Variants in XKR4 observed in about 807,000 individuals in gnomAD.
XKR4 encodes the protein XK-related protein 4.
Under a neutral mutation model 53.9 loss-of-function variants are expected in XKR4, and 12 were observed. The observed-to-expected ratio is 0.22, with a 90% confidence interval of 0.14 to 0.36. The LOEUF is 0.36. Ranked by LOEUF, XKR4 falls within the 10% of genes least tolerant of loss-of-function variation. The pLI, the probability that XKR4 is intolerant of heterozygous loss-of-function variation, is 1.00. For missense variants in XKR4, 799 were observed against 859.5 expected (o/e 0.93, Z 0.88); for synonymous variants, 354 against 362.4 (o/e 0.98, Z 0.26).
rs554612902 is a variant in XKR4, at chr8:55,533,201, G to T, written c.*8974G>T. ...TTGCCATTGTGAGTCTAGAAAATGAGCACTTTGTGTGTTGAGCGCTGTTGC... is the reference window on the plus strand; with the variant it reads ...TTGCCATTGTGAGTCTAGAAAATGATCACTTTGTGTGTTGAGCGCTGTTGC... On this transcript the variant is annotated 3_prime_UTR_variant, in exon 3 of 3. Coordinates refer to ENST00000327381, the MANE Select transcript of XKR4 (RefSeq NM_052898.2). The T allele has an allele frequency of 6.6e-5, 10 of 152,294 alleles. No homozygotes were observed. The highest frequency in any genetic ancestry group is 2.4e-4 in the African/African-American group (10 of 41,556). The allele number at this position is 152,294 out of a possible 1,614,324, so 9.4% of individuals were successfully genotyped here. A position where few individuals can be genotyped will look rare whatever the true frequency, so the allele number is the denominator to read the frequency against.
intron 1 of XKR4, among the ~76,000 whole-genome samples, chr8:55,175,241 G>A (rs967447961): frequency 1.3e-5 from 2 of 152,124 alleles, no homozygotes; most frequent in African/African-American, 2.4e-5. Flanking sequence ...GGCTAAAGAG[G>A]TTTCAAAGAT....
intron 1 of XKR4, among the ~76,000 whole-genome samples, chr8:55,311,708 A>G (rs1229778945): frequency 6.6e-6 from 1 of 152,078 alleles, no homozygotes; most frequent in Non-Finnish European, 1.5e-5. Context: ...GGGACATATC[A>G]TCATTTTTAA....
At chr8:55,334,481 G>A (rs1490989085) in intron 1 of XKR4, among the ~76,000 whole-genome samples, 2 of 152,076 alleles carry the variant, frequency 1.3e-5, no homozygotes, top group Non-Finnish European at 2.9e-5. Context: ...CTGGTCTACT[G>A]TTTCATAAAT....
intron 1 of XKR4, among the ~76,000 whole-genome samples, chr8:55,168,328 G>A (rs578181062): frequency 6.6e-5 from 10 of 152,150 alleles, no homozygotes; most frequent in African/African-American, 1.7e-4. Flanking sequence ...GGACAGAATG[G>A]ATGTTTTAAG....
chr8:55,130,226 G>T (rs1401738481), intron 1 of XKR4, among the ~76,000 whole-genome samples: 1 of 131,132 alleles, frequency 7.6e-6, no homozygotes, highest in Non-Finnish European at 1.7e-5. Context: ...AATATGTCAG[G>T]TGTTATCTGC....
intron 1 of XKR4, among the ~76,000 whole-genome samples, chr8:55,274,055 A>C (rs1818730958): frequency 6.6e-6 from 1 of 152,266 alleles, no homozygotes; most frequent in African/African-American, 2.4e-5. Flanking sequence ...GTCTTCATGC[A>C]TAAGATCTTC....
chr8:55,535,412 T>C lies in XKR4; in HGVS notation c.*11185T>C, dbSNP rs1218949427. ...CCACAACACTCCCCGGTGTGTGATG[T>C]TCCCCTTCCTGTGCACGTGACTTAT... On this transcript the variant is annotated 3_prime_UTR_variant, in exon 3 of 3. Coordinates refer to ENST00000327381, the MANE Select transcript of XKR4 (RefSeq NM_052898.2). 7.7e-6 allele frequency: 1 copy of C among 129,824 alleles called. No individual in the cohort carries two copies. Among genetic ancestry groups the C allele is most frequent in the Non-Finnish European group, 1.6e-5 (1 of 62,678 alleles). The allele number at this position is 129,824 out of a possible 1,614,324, so 8.0% of individuals were successfully genotyped here. A position where few individuals can be genotyped will look rare whatever the true frequency, so the allele number is the denominator to read the frequency against.
At chr8:55,291,976 G>A (rs1425657313) in intron 1 of XKR4, among the ~76,000 whole-genome samples, 1 of 151,984 alleles carries the variant, frequency 6.6e-6, no homozygotes, top group Non-Finnish European at 1.5e-5. Flanking sequence ...CTATTAAGGT[G>A]GATTACATTG....
intron 2 of XKR4, among the ~76,000 whole-genome samples, chr8:55,438,404 G>A (rs1585572804): frequency 6.6e-6 from 1 of 151,830 alleles, no homozygotes; most frequent in East Asian, 1.9e-4. Context: ...TGGCCAACAT[G>A]GTGAAACCCC....
At chr8:55,103,862 T>C (rs1189609285) in intron 1 of XKR4, among the ~76,000 whole-genome samples, 3 of 116,838 alleles carry the variant, frequency 2.6e-5, no homozygotes, top group Admixed American at 1.6e-4. Context: ...TATATATATA[T>C]ATATATATAT....
chr8:55,497,247 A>G (rs1806365302), intron 2 of XKR4, among the ~76,000 whole-genome samples: 1 of 152,244 alleles, frequency 6.6e-6, no homozygotes, highest in African/African-American at 2.4e-5. Flanking sequence ...AAGAGATTGA[A>G]TATAAATGTA....
intron 1 of XKR4, among the ~76,000 whole-genome samples, chr8:55,352,371 G>A (rs1170616711): frequency 6.6e-6 from 1 of 152,216 alleles, no homozygotes; most frequent in East Asian, 1.9e-4. Context: ...CATAGAATAT[G>A]GGATAGGGCA....
chr8:55,530,967 T>C lies in XKR4; in HGVS notation c.*6740T>C, dbSNP rs4738232. 99,622 of 151,972 alleles carry C rather than the reference T, an allele frequency of 0.66. 32,954 individuals carry two copies. Among genetic ancestry groups the C allele is most frequent in the East Asian group, 0.79 (4,083 of 5,176 alleles). 9.4% of individuals were successfully genotyped at this position (151,972 alleles called of 1,614,324 possible). A position where few individuals can be genotyped will look rare whatever the true frequency, so the allele number is the denominator to read the frequency against. ...AGGAAAGTTGCACTGGAATAGCTCA[T>C]AGTCTGGCTATTAGCAGCACAATCA... On this transcript the variant is annotated 3_prime_UTR_variant, in exon 3 of 3. Transcript: ENST00000327381.
intron 2 of XKR4, among the ~76,000 whole-genome samples, chr8:55,382,349 G>T (rs1804247325): frequency 6.6e-6 from 1 of 152,188 alleles, no homozygotes; most frequent in Admixed American, 6.5e-5. Context: ...AAAAGCAGTT[G>T]TGCATACATT....
chr8:55,462,287 T>A (rs899791861), intron 2 of XKR4, among the ~76,000 whole-genome samples: 1 of 152,182 alleles, frequency 6.6e-6, no homozygotes, highest in Non-Finnish European at 1.5e-5. Flanking sequence ...TGGCAGAAAC[T>A]CTACAAACCA....
chr8:55,438,113 C>T (rs1160908725), intron 2 of XKR4, among the ~76,000 whole-genome samples: 1 of 152,002 alleles, frequency 6.6e-6, no homozygotes, highest in Non-Finnish European at 1.5e-5. Context: ...TTGAGAATGA[C>T]TCAATGAGCA....
chr8:55,267,061 GT>G (rs1349425041), intron 1 of XKR4, among the ~76,000 whole-genome samples: 1 of 152,172 alleles, frequency 6.6e-6, no homozygotes, highest in East Asian at 1.9e-4. Context: ...ATCTGATGGG[GT>G]TGGTGCAGGA....
At chr8:55,174,794 A>G (rs1817209778) in intron 1 of XKR4, among the ~76,000 whole-genome samples, 1 of 152,282 alleles carries the variant, frequency 6.6e-6, no homozygotes, top group East Asian at 1.9e-4. Flanking sequence ...TTGTCATTCA[A>G]GAGGCTTAAG....
intron 1 of XKR4, among the ~76,000 whole-genome samples, chr8:55,259,607 G>T (rs1818489503): frequency 6.6e-6 from 1 of 152,086 alleles, no homozygotes; most frequent in Non-Finnish European, 1.5e-5. Context: ...CTTGATGTGC[G>T]TGAGGGTGAA....
Sources: gnomAD v4.1 joint callset for allele counts (sites outside exome capture counted in the v4.1 genomes callset) on GRCh38, gnomAD v4.1.1 for gene constraint, MANE v1.5 for transcripts, NCBI Gene and HGNC (gene_info 2026-07-23, HGNC 2026-07-21) for gene names.